HECW1: variants seen among roughly 807,000 people sequenced by gnomAD.
HECW1 encodes E3 ubiquitin-protein ligase HECW1.
A neutral mutation model predicts 182.3 loss-of-function variants in HECW1; 61 were observed. The observed-to-expected ratio is 0.33, with a 90% CI of 0.27 to 0.41. HECW1 has a LOEUF of 0.41. Among genes scored for constraint, HECW1 ranks in the 10% least tolerant of loss-of-function variants. The pLI, the probability that HECW1 is intolerant of heterozygous loss-of-function variation, is 1.00. For synonymous variants in HECW1, 859 were observed against 832.6 expected, an observed-to-expected ratio of 1.03 and a Z score of -0.55; for missense variants, 1,739 against 2,108.9, an observed-to-expected ratio of 0.82 and a Z score of 3.44.
chr7:43,500,718 C>G lies in HECW1; in HGVS notation c.3457C>G (p.Arg1153Gly). The G allele has an allele frequency of 1.2e-6, 2 of 1,613,674 alleles. No individual in the cohort carries two copies. Among genetic ancestry groups the G allele is most frequent in the Non-Finnish European group, 1.7e-6 (2 of 1,179,608 alleles). Residue 1153 changes from arginine (R) to glycine (G), a missense_variant, in exon 20 of 30, where the codon CGG (arginine) becomes GGG (glycine). Coordinates refer to ENST00000395891, the MANE Select transcript of HECW1 (RefSeq NM_015052.5). The part of the protein sequence containing the change: ...HTLREKIHYI[R>G]TEGNHGLEKL... ...ATTCAGGGAGAAAATCCATTACATTCGGACTGAGGGTAATCACGGGCTTGA... is the reference window on the plus strand; with the variant it reads ...ATTCAGGGAGAAAATCCATTACATTGGGACTGAGGGTAATCACGGGCTTGA...
intron 2 of HECW1, among the ~76,000 whole-genome samples, chr7:43,197,386 C>T (rs17172172): frequency 0.025 from 3,824 of 152,162 alleles, 72 homozygotes; most frequent in African/African-American, 0.052. Context: ...AGAAAGGCTC[C>T]GCTGCCCTAG....
chr7:43,552,334 G>C lies in HECW1; in HGVS notation c.4508G>C (p.Gly1503Ala). 2 of 1,582,552 alleles carry C rather than the reference G, an allele frequency of 1.3e-6. No individual in the cohort carries two copies. Among genetic ancestry groups the C allele is most frequent in the Non-Finnish European group, 1.7e-6 (2 of 1,151,382 alleles). ...NDWRNNTEYR[G>A]GYHDGHLVIR... ...TGGCGGAATAACACTGAGTACCGGG[G>C]AGGTGAGTGGGCAGGAGCTGTAATG... The change falls in exon 28 of 30, where the codon GGA becomes GCA. Residue 1503 changes from glycine to alanine, a missense_variant and splice_region_variant. Gly to Ala is a moderately conservative substitution (Grantham distance 60, BLOSUM62 0). This residue lies in a region of HECW1 where 420 missense variants were observed against 595.7 expected (regional missense o/e 0.71). Coordinates refer to ENST00000395891, the MANE Select transcript of HECW1 (RefSeq NM_015052.5).
intron 2 of HECW1, among the ~76,000 whole-genome samples, chr7:43,224,663 T>C (rs1040523327): frequency 1.1e-5 from 1 of 93,786 alleles, no homozygotes; most frequent in African/African-American, 5.1e-5. Context: ...CTACAGAAAA[T>C]AAAAAGCCGG....
chr7:43,522,931 G>A, intron 24 of HECW1: 1 of 348,268 alleles, frequency 2.9e-6, no homozygotes, highest in South Asian at 2.0e-5. Flanking sequence ...TCCGTGGTGG[G>A]GATGTTATTG....
intron 3 of HECW1, chr7:43,248,870 T>G (rs1799734053): frequency 6.6e-6 from 1 of 152,286 alleles, no homozygotes; most frequent in Non-Finnish European, 1.5e-5. Flanking sequence ...TGAATCTGTG[T>G]GCATGTGAGG....
intron 2 of HECW1, among the ~76,000 whole-genome samples, chr7:43,200,889 G>C (rs1158191042): frequency 6.6e-6 from 1 of 152,206 alleles, no homozygotes; most frequent in Non-Finnish European, 1.5e-5. Context: ...CAGCAAGATG[G>C]GAAACCTTAC....
intron 3 of HECW1, among the ~76,000 whole-genome samples, chr7:43,304,704 G>A (rs1272512647): frequency 6.6e-6 from 1 of 152,124 alleles, no homozygotes; most frequent in East Asian, 1.9e-4. Context: ...ATGTTAGCCA[G>A]GCTGGTCTCA....
chr7:43,255,421 A>T (rs1424334432), intron 3 of HECW1, among the ~76,000 whole-genome samples: 3 of 152,084 alleles, frequency 2.0e-5, no homozygotes, highest in Non-Finnish European at 4.4e-5. Context: ...CAACATGGTG[A>T]AACCCCCTCT....
chr7:43,372,024 G>A (rs1261557909), intron 6 of HECW1, among the ~76,000 whole-genome samples: 2 of 152,112 alleles, frequency 1.3e-5, no homozygotes. Flanking sequence ...ATTTCACCAT[G>A]TTGGCCAGTC....
intron 5 of HECW1, among the ~76,000 whole-genome samples, chr7:43,339,485 C>G (rs1189289375): frequency 1.3e-5 from 2 of 152,146 alleles, no homozygotes. Flanking sequence ...AATTTTCTGG[C>G]AAAGGCTGTA....
intron 3 of HECW1, among the ~76,000 whole-genome samples, chr7:43,254,243 CAGA>C (rs1800330379): frequency 1.3e-5 from 2 of 152,086 alleles, no homozygotes; most frequent in Non-Finnish European, 2.9e-5. Context: ...AGACCAAACA[CAGA>C]AGATCTTTTT....
At chr7:43,193,385 G>A (rs1425724311) in intron 2 of HECW1, among the ~76,000 whole-genome samples, 1 of 151,850 alleles carries the variant, frequency 6.6e-6, no homozygotes, top group Non-Finnish European at 1.5e-5. Context: ...TACTTCACGT[G>A]TTTTCTTTTT....
chr7:43,205,181 T>A (rs531567298), intron 2 of HECW1, among the ~76,000 whole-genome samples: 1 of 152,158 alleles, frequency 6.6e-6, no homozygotes, highest in East Asian at 1.9e-4. Flanking sequence ...CCTCTTGGGT[T>A]CAAGAGATTC....
intron 27 of HECW1, among the ~76,000 whole-genome samples, chr7:43,551,819 C>T (rs2081839653): frequency 1.3e-5 from 2 of 152,078 alleles, no homozygotes; most frequent in Admixed American, 6.6e-5. Context: ...CTAGGAAGTC[C>T]AAGATCAAGG....
chr7:43,317,682 G>A (rs1343756198), intron 4 of HECW1, among the ~76,000 whole-genome samples: 1 of 152,198 alleles, frequency 6.6e-6, no homozygotes, highest in Non-Finnish European at 1.5e-5. Context: ...TATTTTTCTT[G>A]TGTGATACTT....
At chr7:43,212,640 T>C (rs1796099627) in intron 2 of HECW1, among the ~76,000 whole-genome samples, 1 of 152,178 alleles carries the variant, frequency 6.6e-6, no homozygotes, top group African/African-American at 2.4e-5. Context: ...AATTAAGTAA[T>C]GAGAATGATT....
chr7:43,315,949 G>T (rs1809191404), intron 4 of HECW1, among the ~76,000 whole-genome samples: 1 of 151,988 alleles, frequency 6.6e-6, no homozygotes. Context: ...GTAGTATATT[G>T]ATTCTCTCTT....
chr7:43,258,203 G>A (rs968745179), intron 3 of HECW1, among the ~76,000 whole-genome samples: 2 of 151,910 alleles, frequency 1.3e-5, no homozygotes, highest in Non-Finnish European at 2.9e-5. Context: ...TTAGCCGGGT[G>A]TGGTGGCACA....
chr7:43,411,843 A>C (rs1035706883), intron 8 of HECW1, among the ~76,000 whole-genome samples: 1 of 152,162 alleles, frequency 6.6e-6, no homozygotes, highest in Non-Finnish European at 1.5e-5. Context: ...TTTTACTTAT[A>C]AAGTGCATTG....
Sources: allele counts gnomAD v4.1 joint callset (sites outside exome capture counted in the v4.1 genomes callset), GRCh38; gene constraint gnomAD v4.1.1; regional missense constraint gnomAD v4.1.1; transcripts MANE v1.5; gene names NCBI Gene and HGNC (gene_info 2026-07-23, HGNC 2026-07-21).